The following MYO16 variants were observed in gnomAD, a reference collection of about 807,000 sequenced individuals.
MYO16 encodes myosin XVI, also known as unconventional myosin-XVI.
A neutral mutation model predicts 205.3 loss-of-function variants in MYO16; 94 were observed. The ratio of observed to expected loss-of-function variants is 0.46; its 90% CI spans 0.39 to 0.54. The LOEUF (loss-of-function observed/expected upper bound fraction) is 0.54, where lower values mean the gene tolerates loss of function less well. MYO16 is among the 20% of genes least tolerant of loss of function. The pLI, the probability that MYO16 is intolerant of heterozygous loss-of-function variation, is 0.00. For missense variants in MYO16, 2,315 were observed against 2,387.5 expected (o/e 0.97, Z 0.63); for synonymous variants, 988 against 954.0 (o/e 1.04, Z -0.66).
chr13:108,962,627 C>A, intron 19 of MYO16, 132 bp downstream of exon 19: 1 of 686,916 alleles, frequency 1.5e-6, no homozygotes, highest in Admixed American at 3.1e-5. Flanking sequence ...GCATTCTGAG[C>A]CTGTTTGGTC....
At chr13:108,862,754 A>G (rs1878506102) in intron 11 of MYO16, among the ~76,000 whole-genome samples, 1 of 152,204 alleles carries the variant, frequency 6.6e-6, no homozygotes, top group Non-Finnish European at 1.5e-5. Flanking sequence ...TTGGATTTGT[A>G]TTGGTATTGC....
intron 2 of MYO16, among the ~76,000 whole-genome samples, chr13:108,700,197 G>A (rs1255442243): frequency 6.6e-6 from 1 of 152,014 alleles, no homozygotes; most frequent in Non-Finnish European, 1.5e-5. Context: ...GCCGGGTGTG[G>A]TGGCAGACTC....
chr13:108,827,681 C>T (rs1876348920), intron 9 of MYO16, among the ~76,000 whole-genome samples: 1 of 152,126 alleles, frequency 6.6e-6, no homozygotes, highest in Non-Finnish European at 1.5e-5. Flanking sequence ...TGTCTTCCTT[C>T]CATACTTGAC....
rs774519592 is a variant in MYO16, at chr13:109,127,371, G to A, written c.3872G>A (p.Gly1291Asp). The A allele has an allele frequency of 1.2e-6, 2 of 1,613,716 alleles. No individual in the cohort carries two copies. The highest frequency in any genetic ancestry group is 1.1e-5 in the South Asian group (1 of 90,944). Residue 1291 changes from glycine to aspartate, a missense_variant, in exon 31 of 35, where the codon GGC (glycine) becomes GAC (aspartate). Coordinates refer to ENST00000457511, the MANE Select transcript of MYO16 (RefSeq NM_001198950.3). This position sits in a 1 kb window ranked among gnomAD's most constrained non-coding sequence, Gnocchi z 4.2. ...AVDGLGQCLV[G>D]PSIWSPSLHS... ...GATGGCCTGGGCCAGTGCCTCGTTGGCCCGTCCATCTGGTCTCCTTCGCTG... is the reference window on the plus strand; with the variant it reads ...GATGGCCTGGGCCAGTGCCTCGTTGACCCGTCCATCTGGTCTCCTTCGCTG...
At chr13:108,793,460 C>T in intron 5 of MYO16, 56 bp from the exon 6 acceptor site, 1 of 1,569,874 alleles carries the variant, frequency 6.4e-7, no homozygotes, top group Non-Finnish European at 8.7e-7. Flanking sequence ...GGCTTTGACC[C>T]CCAGGAACTG....
chr13:109,087,384 G>A (rs1249678763), intron 27 of MYO16, among the ~76,000 whole-genome samples: 1 of 152,198 alleles, frequency 6.6e-6, no homozygotes, highest in East Asian at 1.9e-4. Context: ...AGTGGCTCAC[G>A]CCTGTAATCC....
At chr13:108,861,615 T>C (rs1857152247) in intron 11 of MYO16, among the ~76,000 whole-genome samples, 1 of 152,186 alleles carries the variant, frequency 6.6e-6, no homozygotes, top group African/African-American at 2.4e-5. Flanking sequence ...GGTGTTTTTG[T>C]TTCACTAAGA....
At chr13:108,632,019 G>C (rs552122305) in intron 1 of MYO16, among the ~76,000 whole-genome samples, 2 of 149,732 alleles carry the variant, frequency 1.3e-5, no homozygotes, top group Admixed American at 6.7e-5. Flanking sequence ...CGGAGCTTGC[G>C]GTGAGCTGAG....
At chr13:108,909,855 C>T in intron 15 of MYO16, 148 bp from the exon 16 acceptor site, 1 of 853,202 alleles carries the variant, frequency 1.2e-6, no homozygotes, top group South Asian at 1.9e-5. Flanking sequence ...CTAGCTAATG[C>T]AAAAAGACAA....
At chr13:109,077,505 C>A (rs550814002) in intron 27 of MYO16, among the ~76,000 whole-genome samples, 1 of 152,298 alleles carries the variant, frequency 6.6e-6, no homozygotes, top group Admixed American at 6.5e-5. Context: ...CACACAGAAT[C>A]TGTGGTTTGC....
At chr13:108,499,658 A>G in the MYO16 span, among the ~76,000 whole-genome samples, 1 of 152,242 alleles carries the variant, frequency 6.6e-6, no homozygotes, top group South Asian at 2.1e-4. Context: ...AAGGAAGTTT[A>G]GGTTTACACT....
chr13:109,039,699 A>G (rs1298962891), intron 23 of MYO16, among the ~76,000 whole-genome samples: 2 of 152,216 alleles, frequency 1.3e-5, no homozygotes, highest in Non-Finnish European at 2.9e-5. Flanking sequence ...CAGCTAAAAT[A>G]GTATTGAATG....
At chr13:108,884,048 C>T (rs762921747) in intron 13 of MYO16, among the ~76,000 whole-genome samples, 1 of 152,174 alleles carries the variant, frequency 6.6e-6, no homozygotes, top group African/African-American at 2.4e-5. Context: ...AGCCAAACCT[C>T]TACAAGGGAG....
chr13:108,768,501 A>C (rs927872966), intron 4 of MYO16, among the ~76,000 whole-genome samples: 1 of 152,178 alleles, frequency 6.6e-6, no homozygotes, highest in Non-Finnish European at 1.5e-5. Flanking sequence ...TGAATTTCCA[A>C]AACATAGAAT....
At chr13:108,546,613 A>AT in the MYO16 span, among the ~76,000 whole-genome samples, 3 of 151,500 alleles carry the variant, frequency 2.0e-5, no homozygotes, top group Non-Finnish European at 4.4e-5. Context: ...CACTTTCTGA[A>AT]TTTTTTTTGC....
intron 21 of MYO16, among the ~76,000 whole-genome samples, chr13:108,993,170 A>G (rs564253768): frequency 1.3e-5 from 2 of 152,276 alleles, no homozygotes; most frequent in Non-Finnish European, 2.9e-5. Flanking sequence ...GAATTTTCAT[A>G]GTTACGTAAT....
At chr13:109,079,128 C>G (rs1299674265) in intron 27 of MYO16, among the ~76,000 whole-genome samples, 2 of 152,124 alleles carry the variant, frequency 1.3e-5, no homozygotes, top group East Asian at 3.9e-4. Context: ...ACTTTGGTTC[C>G]CCTCTCTGTG....
At chr13:108,500,206 GT>G in the MYO16 span, among the ~76,000 whole-genome samples, 42 of 11,946 alleles carry the variant, frequency 3.5e-3, 3 homozygotes, top group African/African-American at 6.0e-3. Context: ...GTTGATTCCT[GT>G]TTTTTTTTTT....
At chr13:108,989,369 A>G (rs1338350096) in intron 20 of MYO16, among the ~76,000 whole-genome samples, 2 of 152,324 alleles carry the variant, frequency 1.3e-5, no homozygotes, top group East Asian at 1.9e-4. Context: ...GTTTCAATAT[A>G]GAAACCTTAG....
Sources: allele counts gnomAD v4.1 joint callset (sites outside exome capture counted in the v4.1 genomes callset), GRCh38; gene constraint gnomAD v4.1.1; non-coding constraint Gnocchi (gnomAD v3.1); transcripts MANE v1.5; gene names NCBI Gene and HGNC (gene_info 2026-07-23, HGNC 2026-07-21).